The following FBXW10B variants were observed in gnomAD, a reference collection of about 807,000 sequenced individuals.
FBXW10B encodes the protein F-box and WD repeat domain containing protein 10B.
the FBXW10B span, among the ~76,000 whole-genome samples, chr17:15,584,968 C>CTTTTTTT: frequency 9.5e-5 from 12 of 125,808 alleles, no homozygotes; most frequent in Non-Finnish European, 1.6e-4. Context: ...CCTTCTTCTT[C>CTTTTTTT]TTTTTTTTTT....
the FBXW10B span, among the ~76,000 whole-genome samples, chr17:15,576,132 T>C: frequency 1.6e-4 from 25 of 152,322 alleles, no homozygotes; most frequent in East Asian, 4.6e-3. Flanking sequence ...CTACTATCTT[T>C]TATCAAACCT....
chr17:15,595,849 C>A, the FBXW10B span, among the ~76,000 whole-genome samples: 11 of 152,060 alleles, frequency 7.2e-5, no homozygotes, highest in Non-Finnish European at 1.3e-4. Flanking sequence ...CTCTGTTCAT[C>A]CCCCAGTGTT....
chr17:15,592,932 G>A, the FBXW10B span, among the ~76,000 whole-genome samples: 6 of 151,472 alleles, frequency 4.0e-5, no homozygotes, highest in South Asian at 2.1e-4. Flanking sequence ...GTGAAACCCC[G>A]TCTCTACTAA....
the FBXW10B span, among the ~76,000 whole-genome samples, chr17:15,614,340 C>T: frequency 2.6e-5 from 4 of 152,060 alleles, no homozygotes; most frequent in Non-Finnish European, 5.9e-5. Context: ...AGGCGCCCGC[C>T]ACCACGCCCG....
At chr17:15,571,445 G>A in the FBXW10B span, 9 of 152,122 alleles carry the variant, frequency 5.9e-5, no homozygotes, top group South Asian at 1.9e-3. Flanking sequence ...TAATCATAGG[G>A]GAAATGCAAA....
At chr17:15,584,574 C>T in the FBXW10B span, among the ~76,000 whole-genome samples, 1 of 152,182 alleles carries the variant, frequency 6.6e-6, no homozygotes. Flanking sequence ...ACACAGTTTG[C>T]AATTGGAGTA....
At chr17:15,606,715 C>A in the FBXW10B span, among the ~76,000 whole-genome samples, 1 of 151,594 alleles carries the variant, frequency 6.6e-6, no homozygotes, top group Admixed American at 6.6e-5. Flanking sequence ...TGCCCTTATT[C>A]CGTTTGTCAT....
At chr17:15,609,852 CTTTTTTTTTT>C in the FBXW10B span, among the ~76,000 whole-genome samples, 2 of 103,182 alleles carry the variant, frequency 1.9e-5, no homozygotes, top group African/African-American at 4.0e-5. Flanking sequence ...TTCTTTCTTT[CTTTTTTTTTT>C]TTTTTTTTTT....
the FBXW10B span, among the ~76,000 whole-genome samples, chr17:15,569,455 C>CTTTTTAT: frequency 6.8e-5 from 4 of 59,192 alleles, no homozygotes; most frequent in African/African-American, 8.2e-5. Context: ...TTTTCTTTTT[C>CTTTTTAT]TTTTTTTTTT....
At chr17:15,584,968 C>CTTTT in the FBXW10B span, among the ~76,000 whole-genome samples, 375 of 125,400 alleles carry the variant, frequency 3.0e-3, 6 homozygotes, top group East Asian at 0.011. Flanking sequence ...CCTTCTTCTT[C>CTTTT]TTTTTTTTTT....
chr17:15,583,861 GTTT>G, the FBXW10B span, among the ~76,000 whole-genome samples: 446 of 151,414 alleles, frequency 2.9e-3, 2 homozygotes, highest in Middle Eastern at 0.017. Context: ...TATTTTAAGG[GTTT>G]TTTTTAAGAA....
chr17:15,614,457 G>A, the FBXW10B span, among the ~76,000 whole-genome samples: 3 of 152,052 alleles, frequency 2.0e-5, no homozygotes, highest in Non-Finnish European at 4.4e-5. Flanking sequence ...GCCTGCCAAA[G>A]TGCTGGGATT....
the FBXW10B span, chr17:15,571,699 T>A: frequency 1.3e-5 from 2 of 152,346 alleles, no homozygotes; most frequent in South Asian, 4.1e-4. Flanking sequence ...GATCTGTACA[T>A]GAATATTAGC....
At chr17:15,596,189 C>A in the FBXW10B span, among the ~76,000 whole-genome samples, 1 of 151,872 alleles carries the variant, frequency 6.6e-6, no homozygotes, top group East Asian at 1.9e-4. Context: ...CCTGGCCCTA[C>A]AGAGTGCAAT....
chr17:15,589,680 T>C, the FBXW10B span, among the ~76,000 whole-genome samples: 1 of 152,110 alleles, frequency 6.6e-6, no homozygotes, highest in East Asian at 1.9e-4. Flanking sequence ...GTAAGGGAAG[T>C]TTCACAGTCT....
At chr17:15,594,950 T>C in the FBXW10B span, 1 of 1,603,312 alleles carries the variant, frequency 6.2e-7, no homozygotes, top group Non-Finnish European at 8.5e-7. Context: ...GAACCAAAGC[T>C]GAGCCTTCTT....
the FBXW10B span, among the ~76,000 whole-genome samples, chr17:15,610,934 C>G: frequency 1.3e-5 from 2 of 152,058 alleles, no homozygotes; most frequent in Admixed American, 6.6e-5. Flanking sequence ...GACCTCTCTG[C>G]GCCTCAGTTT....
At chr17:15,598,700 A>T in the FBXW10B span, 1 of 1,593,066 alleles carries the variant, frequency 6.3e-7, no homozygotes, top group Non-Finnish European at 8.6e-7. Flanking sequence ...GAGGGCCCAA[A>T]GGATCATACT....
the FBXW10B span, among the ~76,000 whole-genome samples, chr17:15,608,062 G>A: frequency 6.6e-5 from 10 of 151,568 alleles, no homozygotes; most frequent in Admixed American, 2.0e-4. Context: ...AAGTCGGAAC[G>A]TCATATGTAT....
Sources: gnomAD v4.1 joint callset for allele counts (sites outside exome capture counted in the v4.1 genomes callset) on GRCh38, gnomAD v4.1.1 for gene constraint, MANE v1.5 for transcripts, NCBI Gene and HGNC (gene_info 2026-07-23, HGNC 2026-07-21) for gene names.